The following LRP1B variants were observed in gnomAD, a reference collection of about 807,000 sequenced individuals.
LRP1B encodes the protein LDL receptor related protein 1B, also known as low-density lipoprotein receptor-related protein 1B.
LRP1B carries 217 observed loss-of-function variants against 556.6 expected under a neutral mutation model. That is an observed-to-expected ratio of 0.39 (90% confidence interval 0.35 to 0.44). LRP1B has a LOEUF of 0.44. Ranked by LOEUF, LRP1B falls within the 20% of genes least tolerant of loss-of-function variation. The pLI, the probability that LRP1B is intolerant of heterozygous loss-of-function variation, is 1.00. For missense variants in LRP1B, 5,053 were observed against 5,620.8 expected (o/e 0.90, Z 3.23); for synonymous variants, 2,047 against 1,865.8 (o/e 1.10, Z -2.50).
At position 140,543,386 on chromosome 2, in the gene LRP1B, C is replaced by T. The variant is rs149398092; in HGVS notation, c.7195-1415G>A. On this transcript the variant is annotated intron_variant, in intron 43 of 90. Transcript: ENST00000389484. ...AACTAAAAACTGGGTTTTTTTATGT[C>T]AATAAAATGGTTAATACATCATGAT... Among the ~76,000 whole-genome samples, 67 of 151,754 alleles carry T rather than the reference C, an allele frequency of 4.4e-4. 1 individual carries two copies. The East Asian group carries it at 0.012, about 26-fold the overall frequency.
chr2:141,600,684 A>T lies in LRP1B; in HGVS notation c.206-120151T>A, dbSNP rs550998315. Among the ~76,000 whole-genome samples, 10 of 152,214 alleles carry T rather than the reference A, an allele frequency of 6.6e-5. No individual in the cohort carries two copies. In the South Asian group the frequency reaches 2.1e-3, roughly 32 times the overall value. On this transcript the variant is annotated intron_variant, in intron 2 of 90. Transcript: ENST00000389484. ...CTAATAGCAGGGTCTCTGCCCATAA[A>T]ATAAGAAAAATTTCTTTATTCATTG...
intron 1 of LRP1B, among the ~76,000 whole-genome samples, chr2:142,044,426 T>C (rs1305330613): frequency 6.6e-6 from 1 of 151,768 alleles, no homozygotes; most frequent in Non-Finnish European, 1.5e-5. Flanking sequence ...TACAGTGATC[T>C]GTTTCAGAGG....
chr2:140,493,967 C>T (rs980770973), intron 56 of LRP1B, among the ~76,000 whole-genome samples: 26 of 152,062 alleles, frequency 1.7e-4, no homozygotes, highest in African/African-American at 5.8e-4. Context: ...AGGTGCCTTG[C>T]CACTCTGTCA....
rs974236700 is a variant in LRP1B at position 140,541,700 on chromosome 2, T to C, written c.7387+79A>G. Reference sequence around the variant, plus strand: ...TAAAAGAAAAAGCAAATCCAACTATTACTAGAAAACATATATACATTTTTA... The same window carrying C: ...TAAAAGAAAAAGCAAATCCAACTATCACTAGAAAACATATATACATTTTTA... On this transcript the variant is annotated intron_variant, in intron 44 of 90. Transcript: ENST00000389484. 4.0e-5 allele frequency: 43 copies of C among 1,087,854 alleles called. No homozygotes were observed. In the Admixed American group the frequency reaches 9.5e-4, roughly 24 times the overall value. The allele number at this position is 1,087,854 out of a possible 1,614,324, so 67.4% of individuals were successfully genotyped here. A position where few individuals can be genotyped will look rare whatever the true frequency, so the allele number is the denominator to read the frequency against.
At chr2:141,489,554 T>C (rs1420413325) in intron 2 of LRP1B, among the ~76,000 whole-genome samples, 8 of 151,922 alleles carry the variant, frequency 5.3e-5, no homozygotes, top group African/African-American at 1.9e-4. Context: ...GTATATAATA[T>C]AAAGATAGTT....
At chr2:140,844,450 C>A (rs1416795569) in intron 29 of LRP1B, among the ~76,000 whole-genome samples, 2 of 151,872 alleles carry the variant, frequency 1.3e-5, no homozygotes, top group Middle Eastern at 3.4e-3. Flanking sequence ...AAAGAATACT[C>A]TTCTTTTTGA....
chr2:141,520,041 C>T (rs1207781515), intron 2 of LRP1B, among the ~76,000 whole-genome samples: 1 of 152,094 alleles, frequency 6.6e-6, no homozygotes, highest in Non-Finnish European at 1.5e-5. Context: ...AGAGGATACC[C>T]ACTTGAACCA....
At chr2:140,729,344 T>A (rs1442860017) in intron 35 of LRP1B, among the ~76,000 whole-genome samples, 1 of 152,204 alleles carries the variant, frequency 6.6e-6, no homozygotes, top group Non-Finnish European at 1.5e-5. Context: ...CCATCACAGA[T>A]AATTTGCTCT....
At chr2:141,180,653 T>A (rs190948614) in intron 7 of LRP1B, among the ~76,000 whole-genome samples, 1 of 152,000 alleles carries the variant, frequency 6.6e-6, no homozygotes, top group Admixed American at 6.6e-5. Flanking sequence ...TTATCCAGGA[T>A]GCTCCCACCC....
intron 87 of LRP1B, among the ~76,000 whole-genome samples, chr2:140,246,331 A>G (rs1681159299): frequency 6.6e-6 from 1 of 151,394 alleles, no homozygotes; most frequent in African/African-American, 2.4e-5. Flanking sequence ...AGACAATACA[A>G]ATTTTTCAAA....
At position 140,450,665 on chromosome 2, in the gene LRP1B, A is replaced by T. The variant is rs1254211383; in HGVS notation, c.9964-4T>A. The T allele has an allele frequency of 6.4e-7, 1 of 1,566,736 alleles. No individual in the cohort carries two copies. Among genetic ancestry groups the T allele is most frequent in the East Asian group, 2.2e-5 (1 of 44,606 alleles). On this transcript the variant is annotated splice_polypyrimidine_tract_variant and splice_region_variant and intron_variant, in intron 62 of 90. Coordinates refer to ENST00000389484, the MANE Select transcript of LRP1B (RefSeq NM_018557.3). ...ATTTGTCAGTTTTGCAACGAAACTT[A>T]AAAAAGAAAAAAAGAAAAAAAAATG...
intron 14 of LRP1B, among the ~76,000 whole-genome samples, chr2:141,008,108 G>A (rs931457152): frequency 8.6e-5 from 13 of 151,190 alleles, no homozygotes; most frequent in African/African-American, 3.1e-4. Flanking sequence ...AATATTTTAT[G>A]TAAAAATATC....
At chr2:141,701,150 C>A (rs1691927282) in intron 2 of LRP1B, among the ~76,000 whole-genome samples, 1 of 151,890 alleles carries the variant, frequency 6.6e-6, no homozygotes, top group South Asian at 2.1e-4. Flanking sequence ...GTTAATCTCA[C>A]TAAAATGGAT....
intron 2 of LRP1B, among the ~76,000 whole-genome samples, chr2:141,597,224 G>T (rs1687557086): frequency 6.6e-6 from 1 of 151,848 alleles, no homozygotes. Context: ...TATTTCTTGG[G>T]TTTTCTCTCT....
chr2:142,048,048 A>G (rs1311331308), intron 1 of LRP1B, among the ~76,000 whole-genome samples: 1 of 128,858 alleles, frequency 7.8e-6, no homozygotes, highest in Non-Finnish European at 1.7e-5. Context: ...CAGACTTTCC[A>G]CTGTGCCACT....
intron 2 of LRP1B, among the ~76,000 whole-genome samples, chr2:141,518,269 T>A (rs1416719787): frequency 6.6e-6 from 1 of 151,664 alleles, no homozygotes; most frequent in Non-Finnish European, 1.5e-5. Context: ...TGTGTGGGAG[T>A]TTGTGCTAAT....
intron 66 of LRP1B, among the ~76,000 whole-genome samples, chr2:140,418,225 A>G (rs1290425972): frequency 6.6e-6 from 1 of 152,178 alleles, no homozygotes; most frequent in African/African-American, 2.4e-5. Flanking sequence ...GATATGTTTC[A>G]AACATCGCAG....
intron 15 of LRP1B, among the ~76,000 whole-genome samples, chr2:140,994,923 T>A (rs1226339991): frequency 6.6e-6 from 1 of 151,996 alleles, no homozygotes; most frequent in Non-Finnish European, 1.5e-5. Flanking sequence ...AATTTTCAAT[T>A]TTTCTGGCAA....
chr2:141,019,144 C>T (rs750263317), intron 12 of LRP1B, among the ~76,000 whole-genome samples: 5 of 151,998 alleles, frequency 3.3e-5, no homozygotes, highest in East Asian at 1.9e-4. Flanking sequence ...TCTATAAGTA[C>T]AGTTTTGCAT....
Sources: gnomAD v4.1 joint callset for allele counts (sites outside exome capture counted in the v4.1 genomes callset) on GRCh38, gnomAD v4.1.1 for gene constraint, MANE v1.5 for transcripts, NCBI Gene and HGNC (gene_info 2026-07-23, HGNC 2026-07-21) for gene names.